The following HBM variants were observed in gnomAD, a reference collection of about 807,000 sequenced individuals.
The protein encoded by HBM is hemoglobin subunit mu, also known as alpha globin pseudogene 2.
HBM carries 9 observed loss-of-function variants against 12.8 expected under a neutral mutation model. The observed-to-expected ratio is 0.70, with a 90% confidence interval of 0.42 to 1.23. The LOEUF is 1.23. HBM is among the 50% of genes most tolerant of loss of function. The probability of loss-of-function intolerance (pLI) is 0.00; values close to 1 mark genes in which losing one functional copy is unlikely to be tolerated. For synonymous variants in HBM, 100 were observed against 92.0 expected (o/e 1.09, Z -0.50); for missense variants, 214 against 195.4 (o/e 1.10, Z -0.57).
rs1477769567 is a variant in HBM at position 166,452 on chromosome 16, G to T, written c.277G>T (p.Val93Leu). The T allele has an allele frequency of 2.6e-6, 4 of 1,548,972 alleles. No individual in the cohort carries two copies. In the African/African-American group the frequency reaches 5.4e-5, roughly 21 times the overall value. Residue 93 changes from valine to leucine, a missense_variant, in exon 2 of 3, where the codon GTG becomes TTG. Val to Leu is a conservative substitution (Grantham distance 32). Transcript: ENST00000356815. ...GGACCTGCACGCGCTCGTGCTGCGC[G>T]TGGACCCAGCCAACTTTCCGGTGAG... ...LADLHALVLR[V>L]DPANFPLLIQ...
rs1901921649 is a variant in HBM, at chr16:166,727, C to CT, written c.*21dup. ...CCGCTGAGCCCTGTGCTGCGCAGGC[C>CT]TTGGTCTGTGCCTGTCAATAAACAG... On this transcript the variant is annotated 3_prime_UTR_variant, in exon 3 of 3. Transcript: ENST00000356815. 6.2e-7 allele frequency: 1 copy of CT among 1,613,110 alleles called. No individual in the cohort carries two copies. Among genetic ancestry groups the CT allele is most frequent in the Admixed American group, 1.7e-5 (1 of 59,886 alleles).
At position 166,052 on chromosome 16, in the gene HBM, G is replaced by A; in HGVS notation, c.55G>A (p.Gly19Ser). Residue 19 changes from glycine to serine, a missense_variant, in exon 1 of 3, where the codon GGC (glycine) becomes AGC (serine). Gly to Ser is a moderately conservative substitution (Grantham distance 56). Coordinates refer to ENST00000356815, the MANE Select transcript of HBM (RefSeq NM_001003938.4). ...CGCGCAGGTCTGGGACCTGATTGCG[G>A]GCCACGAGGCGCAATTCGGGGCGGA... ...QIAQVWDLIAGHEAQFGAELL... is the reference protein window; with the variant it reads ...QIAQVWDLIASHEAQFGAELL... 1 of 1,602,846 alleles carries A rather than the reference G, an allele frequency of 6.2e-7. No homozygotes were observed. The highest frequency in any genetic ancestry group is 1.1e-5 in the South Asian group (1 of 90,320).
At chr16:166,160 C>T in intron 1 of HBM, 71 bp downstream of exon 1, 2 of 1,472,716 alleles carry the variant, frequency 1.4e-6, no homozygotes, top group Non-Finnish European at 1.8e-6. Flanking sequence ...GGGCCGCCAA[C>T]GCCATCCAAG....
Position 166,007 on chromosome 16 carries a change from G to T in HBM, c.10G>T (p.Ala4Ser), listed in dbSNP as rs1489748985. 1 of 1,586,614 alleles carries T rather than the reference G, an allele frequency of 6.3e-7. No homozygotes were observed. The highest frequency in any genetic ancestry group is 8.5e-7 in the Non-Finnish European group (1 of 1,172,130). ...CACGTCAGGCGGCGCCATGCTCAGC[G>T]CCCAGGAGCGCGCCCAAATCGCGCA... is the stretch of plus-strand genomic sequence containing the variant. MLS[A>S]QERAQIAQVW... The change falls in exon 1 of 3, where the codon GCC becomes TCC. Residue 4 changes from alanine (A) to serine (S), a missense_variant. Ala to Ser is a moderately conservative substitution (Grantham distance 99, BLOSUM62 1). Coordinates refer to ENST00000356815, the MANE Select transcript of HBM (RefSeq NM_001003938.4).
Position 166,345 on chromosome 16 carries a change from G to T in HBM, c.170G>T (p.Ser57Ile). 6.3e-7 allele frequency: 1 copy of T among 1,593,454 alleles called. No homozygotes were observed. The highest frequency in any genetic ancestry group is 8.5e-7 in the Non-Finnish European group (1 of 1,177,820). Reference protein sequence around the residue: ...SACQDATQLLSHGQRMLAAVG... With the variant: ...SACQDATQLLIHGQRMLAAVG... ...TGCCAGGACGCGACGCAGCTGCTGA[G>T]CCACGGGCAGCGCATGCTGGCGGCT... is the stretch of plus-strand genomic sequence containing the variant. Residue 57 changes from serine to isoleucine, a missense_variant, in exon 2 of 3, where the codon AGC (serine) becomes ATC (isoleucine). Physicochemically the swap from Ser to Ile is moderately radical, Grantham distance 142 (BLOSUM62 -2). Transcript: ENST00000356815.
At chr16:166,181 T>C in intron 1 of HBM, 87 bp from the exon 2 acceptor site, 1 of 1,379,492 alleles carries the variant, frequency 7.2e-7, no homozygotes, top group Admixed American at 2.3e-5. Flanking sequence ...GTCCTTCGGG[T>C]GCGGATCCCC....
chr16:166,606 G>A lies in HBM; in HGVS notation c.324G>A (p.Val108=). The change falls in exon 3 of 3, where the codon GTG becomes GTA. Residue 108 remains valine (V), a synonymous_variant. Coordinates refer to ENST00000356815, the MANE Select transcript of HBM (RefSeq NM_001003938.4). ...FPLLIQCFHV[V]LASHLQDEFT... ...TGCTAATCCAGTGTTTCCACGTCGT[G>A]CTGGCCTCCCACCTGCAGGACGAGT... is the stretch of plus-strand genomic sequence containing the variant. The A allele has an allele frequency of 6.2e-7, 1 of 1,613,886 alleles. No individual in the cohort carries two copies. Among genetic ancestry groups the A allele is most frequent in the South Asian group, 1.1e-5 (1 of 91,012 alleles).
Position 166,748 on chromosome 16 carries a change from A to C in HBM, c.*40A>C. 6.2e-7 allele frequency: 1 copy of C among 1,609,370 alleles called. No homozygotes were observed. Among genetic ancestry groups the C allele is most frequent in the Non-Finnish European group, 8.5e-7 (1 of 1,177,694 alleles). On this transcript the variant is annotated 3_prime_UTR_variant, in exon 3 of 3. Coordinates refer to ENST00000356815, the MANE Select transcript of HBM (RefSeq NM_001003938.4). ...AGGCCTTGGTCTGTGCCTGTCAATA[A>C]ACAGAGGCCCGAACCATCTGCCCCT...
Position 166,681 on chromosome 16 carries a change from C to CTT in HBM, c.399_400insTT (p.Val134LeufsTer4), listed in dbSNP as rs771933028. 3.1e-6 allele frequency: 5 copies of CTT among 1,614,020 alleles called. No individual in the cohort carries two copies. The highest frequency in any genetic ancestry group is 2.2e-5 in the South Asian group (2 of 91,078). ...GGGACAAGTTCCTGACTGGTGTGGC[C>CTT]GTGGTGCTGACCGAAAAATACCGCT... On this transcript the variant is annotated frameshift_variant, in exon 3 of 3. Transcript: ENST00000356815. LOFTEE classifies it high-confidence loss of function.
Position 166,420 on chromosome 16 carries a change from C to G in HBM, c.245C>G (p.Pro82Arg), listed in dbSNP as rs756687997. Residue 82 changes from proline to arginine, a missense_variant, in exon 2 of 3, where the codon CCG becomes CGG. By Grantham distance (103) the Pro-to-Arg change is moderately radical (BLOSUM62 -2). Transcript: ENST00000356815. ...GACAACCTGCGCGCCGCGCTGAGCC[C>G]GCTGGCGGACCTGCACGCGCTCGTG... Reference protein sequence around the residue: ...HVDNLRAALSPLADLHALVLR... With the variant: ...HVDNLRAALSRLADLHALVLR... 8 of 1,553,352 alleles carry G rather than the reference C, an allele frequency of 5.2e-6. No homozygotes were observed. In the African/African-American group the frequency reaches 9.5e-5, roughly 18 times the overall value.
chr16:166,513 C>T, intron 2 of HBM, 41 bp downstream of exon 2: 2 of 984,222 alleles, frequency 2.0e-6, no homozygotes, highest in Non-Finnish European at 2.9e-6. Flanking sequence ...AGCGCGCAGC[C>T]GGGGTGGGGG....
Position 166,706 on chromosome 16 carries a change from T to C in HBM, c.424T>C (p.Ter142ArgextTer?). ...CGTGGTGCTGACCGAAAAATACCGC[T>C]GAGCCCTGTGCTGCGCAGGCCTTGG... is the stretch of plus-strand genomic sequence containing the variant. ...VAVVLTEKYR[*>R] The change falls in exon 3 of 3, where the codon TGA becomes CGA. Residue 142 changes from the stop codon to arginine (R), a stop_lost. Transcript: ENST00000356815. 3.7e-6 allele frequency: 6 copies of C among 1,614,044 alleles called. No individual in the cohort carries two copies. The highest frequency in any genetic ancestry group is 1.1e-5 in the South Asian group (1 of 91,034).
In HBM at chr16:166,100, G is replaced by A. The variant is rs773770508; in HGVS notation, c.92+11G>A. The A allele has an allele frequency of 1.9e-6, 3 of 1,590,384 alleles. No individual in the cohort carries two copies. The highest frequency in any genetic ancestry group is 4.5e-5 in the East Asian group (2 of 44,134). On this transcript the variant is annotated intron_variant, in intron 1 of 2. Coordinates refer to ENST00000356815, the MANE Select transcript of HBM (RefSeq NM_001003938.4). ...GGAGCTGCTGCTCAGGTCGGTAGAGGCGGGGTCTCCGGGAGCTCAGGGAGG... is the reference window on the plus strand; with the variant it reads ...GGAGCTGCTGCTCAGGTCGGTAGAGACGGGGTCTCCGGGAGCTCAGGGAGG...
At position 165,991 on chromosome 16, in the gene HBM, C is replaced by T; in HGVS notation, c.-7C>T. The T allele has an allele frequency of 2.5e-6, 4 of 1,569,718 alleles. No individual in the cohort carries two copies. Among genetic ancestry groups the T allele is most frequent in the East Asian group, 2.3e-5 (1 of 43,376 alleles). On this transcript the variant is annotated 5_prime_UTR_variant, in exon 1 of 3. Coordinates refer to ENST00000356815, the MANE Select transcript of HBM (RefSeq NM_001003938.4). ...GGCGCGGCCCCCAGAGCACGTCAGG[C>T]GGCGCCATGCTCAGCGCCCAGGAGC...
At position 166,021 on chromosome 16, in the gene HBM, C is replaced by T. The variant is rs765051419; in HGVS notation, c.24C>T (p.Ala8=). 1.9e-6 allele frequency: 3 copies of T among 1,594,924 alleles called. No homozygotes were observed. Among genetic ancestry groups the T allele is most frequent in the Non-Finnish European group, 2.6e-6 (3 of 1,175,030 alleles). The change falls in exon 1 of 3, where the codon GCC becomes GCT. Residue 8 remains alanine, a synonymous_variant. Transcript: ENST00000356815. The part of the protein sequence containing the change: MLSAQER[A]QIAQVWDLIA... ...CCATGCTCAGCGCCCAGGAGCGCGC[C>T]CAAATCGCGCAGGTCTGGGACCTGA...
In HBM at chr16:166,104, G is replaced by C. The variant is rs115066487; in HGVS notation, c.92+15G>C. On this transcript the variant is annotated intron_variant, in intron 1 of 2. Transcript: ENST00000356815. ...CTGCTGCTCAGGTCGGTAGAGGCGGGGTCTCCGGGAGCTCAGGGAGGTGGA... is the reference window on the plus strand; with the variant it reads ...CTGCTGCTCAGGTCGGTAGAGGCGGCGTCTCCGGGAGCTCAGGGAGGTGGA... The C allele has an allele frequency of 4.3e-4, 680 of 1,585,000 alleles. 3 individuals carry two copies. The African/African-American group carries it at 8.4e-3, about 20-fold the overall frequency.
rs1901909542 is a variant in HBM, at chr16:166,283, C to T, written c.108C>T (p.Tyr36=). ...GGTCCTGCAGGCTCTTCACGGTGTACCCCAGCACCAAGGTCTACTTCCCGC... is the reference window on the plus strand; with the variant it reads ...GGTCCTGCAGGCTCTTCACGGTGTATCCCAGCACCAAGGTCTACTTCCCGC... ...AELLLRLFTV[Y]PSTKVYFPHL... The change falls in exon 2 of 3, where the codon TAC becomes TAT. Residue 36 remains tyrosine (Y), a synonymous_variant. Coordinates refer to ENST00000356815, the MANE Select transcript of HBM (RefSeq NM_001003938.4). 6.3e-7 allele frequency: 1 copy of T among 1,594,862 alleles called. No homozygotes were observed. The highest frequency in any genetic ancestry group is 1.7e-5 in the Admixed American group (1 of 59,696).
intron 1 of HBM, 43 bp from the exon 2 acceptor site, chr16:166,225 C>A: frequency 6.5e-7 from 1 of 1,526,952 alleles, no homozygotes; most frequent in Non-Finnish European, 8.9e-7. Flanking sequence ...AGTGAAGCCC[C>A]ACGCAGCCGC....
chr16:166,153 C>A, intron 1 of HBM, 64 bp downstream of exon 1: 2 of 1,477,256 alleles, frequency 1.4e-6, no homozygotes, highest in Non-Finnish European at 1.8e-6. Flanking sequence ...GGCGCGTGGG[C>A]CGCCAACGCC....
Sources: gnomAD v4.1 joint callset for allele counts on GRCh38, gnomAD v4.1.1 for gene constraint, MANE v1.5 for transcripts, NCBI Gene and HGNC (gene_info 2026-07-23, HGNC 2026-07-21) for gene names.